The following LURAP1L variants were observed in gnomAD, a reference collection of about 807,000 sequenced individuals.
LURAP1L encodes the protein leucine rich adaptor protein 1 like.
A neutral mutation model predicts 13.8 loss-of-function variants in LURAP1L; 12 were observed. That is an observed-to-expected ratio of 0.87 (90% CI 0.56 to 1.41). The LOEUF (loss-of-function observed/expected upper bound fraction) is 1.41, where lower values mean the gene tolerates loss of function less well. LURAP1L is among the 40% of genes most tolerant of loss of function. The pLI is 0.00. For missense variants in LURAP1L, 375 were observed against 292.9 expected (o/e 1.28, Z -2.04); for synonymous variants, 139 against 119.2 (o/e 1.17, Z -1.08).
At chr9:12,776,959 T>C (rs908194173) in intron 1 of LURAP1L, among the ~76,000 whole-genome samples, 1 of 152,132 alleles carries the variant, frequency 6.6e-6, no homozygotes, top group Non-Finnish European at 1.5e-5. Context: ...CCTAAGTCCT[T>C]TGAAAAAAAC....
rs1554654184 is a variant in LURAP1L at position 12,775,862 on chromosome 9, T to TGGAGGCGGC, written c.149_150insAGGCGGCGG (p.Gly53_Gly55dup). 21 of 1,511,048 alleles carry TGGAGGCGGC rather than the reference T, an allele frequency of 1.4e-5. No homozygotes were observed. Among genetic ancestry groups the TGGAGGCGGC allele is most frequent in the Non-Finnish European group, 1.8e-5 (20 of 1,110,912 alleles). The allele number at this position is 1,511,048 out of a possible 1,614,324, so 93.6% of individuals were successfully genotyped here. ...ACCCCTGCGGGGGGAGCGGTGGTGGTGGCGGCGGCGGCGGCGGCTGCAGTA... is the reference window on the plus strand; with the variant it reads ...ACCCCTGCGGGGGGAGCGGTGGTGGTGGAGGCGGCGGCGGCGGCGGCGGCGGCTGCAGTA... On this transcript the variant is annotated inframe_insertion, in exon 1 of 2. Transcript: ENST00000319264.
At chr9:12,808,443 C>A (rs937407625) in intron 1 of LURAP1L, among the ~76,000 whole-genome samples, 2 of 152,054 alleles carry the variant, frequency 1.3e-5, no homozygotes, top group Non-Finnish European at 2.9e-5. Context: ...CCATCCACCC[C>A]CAGAACTTTT....
chr9:12,807,132 T>C (rs1819671219), intron 1 of LURAP1L, among the ~76,000 whole-genome samples: 1 of 140,214 alleles, frequency 7.1e-6, no homozygotes, highest in South Asian at 2.2e-4. Context: ...CCGGGCGTGG[T>C]GGCAGGCGCC....
chr9:12,796,413 T>C lies in LURAP1L; in HGVS notation c.312+20386T>C, dbSNP rs1465766007. ...TAATTTATAACTTGTATCTTTTTTG[T>C]AGTGCCTCCTTCTTTGCTTAACATT... On this transcript the variant is annotated intron_variant, in intron 1 of 1. Transcript: ENST00000319264. Among the ~76,000 whole-genome samples the C allele has an allele frequency of 7.9e-5, 12 of 152,074 alleles. 1 individual carries two copies. The highest frequency in any genetic ancestry group is 7.9e-4 in the Admixed American group (12 of 15,250).
At chr9:12,805,730 A>G (rs887145314) in intron 1 of LURAP1L, among the ~76,000 whole-genome samples, 1 of 152,200 alleles carries the variant, frequency 6.6e-6, no homozygotes, top group East Asian at 1.9e-4. Context: ...AACATTTTAT[A>G]GATTATGTGA....
chr9:12,801,323 G>A (rs1257552337), intron 1 of LURAP1L, among the ~76,000 whole-genome samples: 2 of 151,482 alleles, frequency 1.3e-5, no homozygotes, highest in East Asian at 1.9e-4. Flanking sequence ...GTATATTAAA[G>A]ATGGCTAAAG....
At chr9:12,793,283 T>C (rs1819468623) in intron 1 of LURAP1L, among the ~76,000 whole-genome samples, 1 of 152,116 alleles carries the variant, frequency 6.6e-6, no homozygotes, top group Admixed American at 6.6e-5. Flanking sequence ...AAATGAAATC[T>C]AGATTTTCTA....
At chr9:12,785,938 G>A (rs148972026) in intron 1 of LURAP1L, among the ~76,000 whole-genome samples, 28 of 152,200 alleles carry the variant, frequency 1.8e-4, no homozygotes, top group East Asian at 1.5e-3. Context: ...CTATTCAGCC[G>A]TCTTGCTCCA....
intron 1 of LURAP1L, among the ~76,000 whole-genome samples, chr9:12,802,977 A>G (rs1042712827): frequency 6.6e-6 from 1 of 152,186 alleles, no homozygotes. Context: ...CATCTGACTG[A>G]CAGATGTCTT....
At chr9:12,820,965 A>C (rs1330819564) in intron 1 of LURAP1L, among the ~76,000 whole-genome samples, 2 of 152,196 alleles carry the variant, frequency 1.3e-5, no homozygotes, top group African/African-American at 4.8e-5. Context: ...AGAGGCTTCT[A>C]CGATGCTGAG....
chr9:12,816,540 C>G (rs1259146106), intron 1 of LURAP1L, among the ~76,000 whole-genome samples: 1 of 152,120 alleles, frequency 6.6e-6, no homozygotes, highest in African/African-American at 2.4e-5. Flanking sequence ...GCATTTTTTT[C>G]TTAGATTCCA....
At chr9:12,781,036 A>G (rs1243467385) in intron 1 of LURAP1L, among the ~76,000 whole-genome samples, 2 of 152,220 alleles carry the variant, frequency 1.3e-5, no homozygotes, top group African/African-American at 2.4e-5. Flanking sequence ...CAATGGCTCA[A>G]TCTCAGCTCA....
chr9:12,801,795 G>T (rs1382111513), intron 1 of LURAP1L, among the ~76,000 whole-genome samples: 1 of 152,150 alleles, frequency 6.6e-6, no homozygotes, highest in Admixed American at 6.5e-5. Flanking sequence ...GAACATATTT[G>T]TCATGGGAAT....
chr9:12,781,294 C>T (rs1340124955), intron 1 of LURAP1L, among the ~76,000 whole-genome samples: 1 of 152,066 alleles, frequency 6.6e-6, no homozygotes, highest in African/African-American at 2.4e-5. Flanking sequence ...TTTAAATGTA[C>T]AATAAATTAT....
chr9:12,816,337 A>G (rs1457074041), intron 1 of LURAP1L, among the ~76,000 whole-genome samples: 4 of 152,148 alleles, frequency 2.6e-5, no homozygotes, highest in Non-Finnish European at 5.9e-5. Flanking sequence ...ACTGAGTCCC[A>G]TGGTTCACTG....
chr9:12,791,170 T>C (rs1453272823), intron 1 of LURAP1L, among the ~76,000 whole-genome samples: 2 of 152,224 alleles, frequency 1.3e-5, no homozygotes, highest in East Asian at 3.9e-4. Flanking sequence ...ATGAATGGAA[T>C]GAGGAAGAGT....
At chr9:12,819,385 C>T (rs990355677) in intron 1 of LURAP1L, among the ~76,000 whole-genome samples, 21 of 152,190 alleles carry the variant, frequency 1.4e-4, no homozygotes, top group Admixed American at 1.3e-3. Context: ...GAAATTCCAT[C>T]TCTCCTAATG....
At chr9:12,776,954 G>A (rs189246924) in intron 1 of LURAP1L, among the ~76,000 whole-genome samples, 20 of 151,978 alleles carry the variant, frequency 1.3e-4, no homozygotes, top group African/African-American at 4.1e-4. Flanking sequence ...CCCTCCCTAA[G>A]TCCTTTGAAA....
chr9:12,787,977 T>G (rs1234705403), intron 1 of LURAP1L, among the ~76,000 whole-genome samples: 1 of 151,784 alleles, frequency 6.6e-6, no homozygotes, highest in Non-Finnish European at 1.5e-5. Flanking sequence ...CCGGGTGTGG[T>G]GGTAGGTGCC....
Sources: allele counts gnomAD v4.1 joint callset (sites outside exome capture counted in the v4.1 genomes callset), GRCh38; gene constraint gnomAD v4.1.1; transcripts MANE v1.5; gene names NCBI Gene and HGNC (gene_info 2026-07-23, HGNC 2026-07-21).